The following PXDN variants were observed in gnomAD, a reference collection of about 807,000 sequenced individuals.
PXDN encodes the protein peroxidasin homolog.
In PXDN, 77 loss-of-function variants were observed where a neutral mutation model predicts 140.3. The observed-to-expected ratio is 0.55, with a 90% CI of 0.46 to 0.66. The LOEUF is 0.66. Among genes scored for constraint, PXDN ranks in the 30% least tolerant of loss-of-function variants. The pLI is 0.00. For missense variants in PXDN, 1,838 were observed against 2,039.5 expected, an observed-to-expected ratio of 0.90 and a Z score of 1.90; for synonymous variants, 911 against 857.4, an observed-to-expected ratio of 1.06 and a Z score of -1.09.
rs550715563 is a variant in PXDN at position 1,632,114 on chromosome 2, G to C, written c.*2090C>G. 1.1e-4 allele frequency: 17 copies of C among 152,608 alleles called. No homozygotes were observed. Among genetic ancestry groups the C allele is most frequent in the African/African-American group, 3.8e-4 (16 of 41,568 alleles). The allele number at this position is 152,608 out of a possible 1,614,324, so 9.5% of individuals were successfully genotyped here. A position where few individuals can be genotyped will look rare whatever the true frequency, so the allele number is the denominator to read the frequency against. On this transcript the variant is annotated 3_prime_UTR_variant, in exon 23 of 23. Coordinates refer to ENST00000252804, the MANE Select transcript of PXDN (RefSeq NM_012293.3). The surrounding 1 kb of genome is among the most constrained non-coding windows in gnomAD (Gnocchi z 4.3). ...CTGCCCACTGTTCTGATTACAGAGA[G>C]TATCAAACTGGTGATTCCGCAGACA... is the stretch of plus-strand genomic sequence containing the variant.
chr2:1,728,334 A>C (rs1335531587), intron 1 of PXDN, among the ~76,000 whole-genome samples: 1 of 152,252 alleles, frequency 6.6e-6, no homozygotes, highest in Non-Finnish European at 1.5e-5. Context: ...ACCTGCTGGC[A>C]GGGTCCCTGG....
Position 1,653,691 on chromosome 2 carries a change from G to T in PXDN, c.2041C>A (p.Arg681=). The T allele has an allele frequency of 1.2e-6, 2 of 1,610,610 alleles. No individual in the cohort carries two copies. The highest frequency in any genetic ancestry group is 8.5e-7 in the Non-Finnish European group (1 of 1,178,578). ...EQARAGEIFE[R]TLQLIQEHVQ... ...TGCTCCTGAATGAGCTGCAATGTCC[G>T]TTCAAAGATTTCTCCCGCCCGTGCC... is the stretch of plus-strand genomic sequence containing the variant. Residue 681 remains arginine, a synonymous_variant, in exon 16 of 23, where the codon CGG becomes AGG. Transcript: ENST00000252804.
At chr2:1,723,576 G>A (rs563682560) in intron 1 of PXDN, among the ~76,000 whole-genome samples, 22 of 152,182 alleles carry the variant, frequency 1.4e-4, no homozygotes, top group Non-Finnish European at 2.4e-4. Flanking sequence ...ACTAATGAAC[G>A]GATGGATGGA....
At position 1,639,884 on chromosome 2, in the gene PXDN, C is replaced by T. The variant is rs147478378; in HGVS notation, c.3953-462G>A. Among the ~76,000 whole-genome samples, 265 of 152,358 alleles carry T rather than the reference C, an allele frequency of 1.7e-3. 2 individuals carry two copies. Among genetic ancestry groups the T allele is most frequent in the African/African-American group, 6.3e-3 (260 of 41,578 alleles). On this transcript the variant is annotated intron_variant, in intron 19 of 22. Coordinates refer to ENST00000252804, the MANE Select transcript of PXDN (RefSeq NM_012293.3). The surrounding 1 kb of genome is among the most constrained non-coding windows in gnomAD (Gnocchi z 5.0). ...GCCAGCCCCAGTGTCAGACAAGAGG[C>T]GGCCTGACCCTGCTTCTCCTGAATG...
chr2:1,635,530 A>G lies in PXDN; in HGVS notation c.4207-9T>C. The G allele has an allele frequency of 1.9e-6, 3 of 1,565,344 alleles. No homozygotes were observed. The highest frequency in any genetic ancestry group is 2.6e-6 in the Non-Finnish European group (3 of 1,150,920). ...GATTCAAGTTTCTTTATCTGCAGCA[A>G]TGCAAAGAACATTCATTCATTGGGC... On this transcript the variant is annotated splice_polypyrimidine_tract_variant and intron_variant, in intron 21 of 22. Transcript: ENST00000252804.
intron 1 of PXDN, among the ~76,000 whole-genome samples, chr2:1,743,712 G>A (rs939745009): frequency 2.3e-4 from 13 of 56,144 alleles, no homozygotes; most frequent in Admixed American, 3.0e-4. Context: ...GGGAGGAGGA[G>A]GAGGAAGGGG....
chr2:1,671,299 A>G (rs1460431658), intron 9 of PXDN, among the ~76,000 whole-genome samples: 2 of 152,234 alleles, frequency 1.3e-5, no homozygotes, highest in East Asian at 3.8e-4. Context: ...CAAGAAACAT[A>G]GAAAAGTTTG....
chr2:1,677,017 T>C lies in PXDN; in HGVS notation c.758A>G (p.Gln253Arg). Reference protein sequence around the residue: ...CERPRITSEPQDADVTSGNTV... With the variant: ...CERPRITSEPRDADVTSGNTV... ...GTTCCCCGAGGTCACATCTGCGTCC[T>C]GGGGCTCGGAGGTGATCCGGGGCCT... is the stretch of plus-strand genomic sequence containing the variant. The change falls in exon 8 of 23, where the codon CAG becomes CGG. Residue 253 changes from glutamine to arginine, a missense_variant. This residue lies in a region of PXDN where 208 missense variants were observed against 325.8 expected (regional missense o/e 0.64). Transcript: ENST00000252804. The C allele has an allele frequency of 1.9e-6, 3 of 1,609,734 alleles. No homozygotes were observed. The highest frequency in any genetic ancestry group is 2.5e-6 in the Non-Finnish European group (3 of 1,177,172).
intron 1 of PXDN, among the ~76,000 whole-genome samples, chr2:1,743,234 C>T (rs559377751): frequency 3.7e-4 from 57 of 152,310 alleles, no homozygotes; most frequent in Non-Finnish European, 6.9e-4. Context: ...GCCCGCAGGA[C>T]AGGGTGTCAA....
rs566157522 is a variant in PXDN at position 1,687,502 on chromosome 2, C to T, written c.416+130G>A. The T allele has an allele frequency of 1.3e-4, 79 of 596,356 alleles. No individual in the cohort carries two copies. In the East Asian group the frequency reaches 1.7e-3, roughly 13 times the overall value. The allele number at this position is 596,356 out of a possible 1,614,324, so 36.9% of individuals were successfully genotyped here. A position where few individuals can be genotyped will look rare whatever the true frequency, so the allele number is the denominator to read the frequency against. On this transcript the variant is annotated intron_variant, in intron 4 of 22. Coordinates refer to ENST00000252804, the MANE Select transcript of PXDN (RefSeq NM_012293.3). This position sits in a 1 kb window ranked among gnomAD's most constrained non-coding sequence, Gnocchi z 4.0. ...ATCCCTGTTTTTCCGTCATCATGCA[C>T]GTACTCCCCGCACCTCAGGTAGCAT...
In PXDN at chr2:1,687,925, C is replaced by T. The variant is rs1193342381; in HGVS notation, c.345-222G>A. Among the ~76,000 whole-genome samples, 3 of 152,182 alleles carry T rather than the reference C, an allele frequency of 2.0e-5. No individual in the cohort carries two copies. The highest frequency in any genetic ancestry group is 7.2e-5 in the African/African-American group (3 of 41,460). ...GCAACCGGTGCCAACTGAAGGTGAT[C>T]AAACCACTGCGACGGGTTTTTCAGG... On this transcript the variant is annotated intron_variant, in intron 3 of 22. Transcript: ENST00000252804. This position sits in a 1 kb window ranked among gnomAD's most constrained non-coding sequence, Gnocchi z 4.0.
chr2:1,698,466 G>A (rs897471888), intron 1 of PXDN, among the ~76,000 whole-genome samples: 1 of 152,174 alleles, frequency 6.6e-6, no homozygotes, highest in African/African-American at 2.4e-5. Flanking sequence ...CTAAGGCACA[G>A]CACATGAAGG....
chr2:1,709,699 A>AGGG (rs1309096767), intron 1 of PXDN, among the ~76,000 whole-genome samples: 2 of 152,166 alleles, frequency 1.3e-5, no homozygotes, highest in Non-Finnish European at 2.9e-5. Context: ...TGTTATCAGG[A>AGGG]GGGGAGGCTT....
At position 1,648,820 on chromosome 2, in the gene PXDN, ATGCTGGTCAG is replaced by A; in HGVS notation, c.2950_2959del (p.Leu984CysfsTer19). 1 of 1,602,824 alleles carries A rather than the reference ATGCTGGTCAG, an allele frequency of 6.2e-7. No homozygotes were observed. The highest frequency in any genetic ancestry group is 8.5e-7 in the Non-Finnish European group (1 of 1,176,338). ...GTGCTCGCGGAACCACAGCGTGTGC[ATGCTGGTCAG>A]GCCCAGCTGCTCGTTGGCGCGGTGG... On this transcript the variant is annotated frameshift_variant, in exon 17 of 23. Coordinates refer to ENST00000252804, the MANE Select transcript of PXDN (RefSeq NM_012293.3). LOFTEE classifies it high-confidence loss of function. The surrounding 1 kb of genome is among the most constrained non-coding windows in gnomAD (Gnocchi z 8.9).
Position 1,666,356 on chromosome 2 carries a change from C to T in PXDN, c.1149G>A (p.Leu383=), listed in dbSNP as rs953619848. 2.5e-6 allele frequency: 4 copies of T among 1,613,850 alleles called. No individual in the cohort carries two copies. The highest frequency in any genetic ancestry group is 1.7e-5 in the Admixed American group (1 of 60,012). ...ISWTRGDRTP[L]PVDPRVNITP... ...TGATGTTCACCCGCGGGTCAACTGGCAAGGGTGTGCGGTCACCTCTCGTCC... is the reference window on the plus strand; with the variant it reads ...TGATGTTCACCCGCGGGTCAACTGGTAAGGGTGTGCGGTCACCTCTCGTCC... The change falls in exon 10 of 23, where the codon TTG becomes TTA. Residue 383 remains leucine, a synonymous_variant. Transcript: ENST00000252804.
intron 14 of PXDN, among the ~76,000 whole-genome samples, chr2:1,658,040 C>G (rs1432959731): frequency 1.9e-5 from 1 of 52,198 alleles, no homozygotes; most frequent in Non-Finnish European, 4.1e-5. Context: ...CTCTCTCTCT[C>G]TCTCTCTCTC....
intron 1 of PXDN, among the ~76,000 whole-genome samples, chr2:1,741,290 C>T (rs1685537542): frequency 2.0e-5 from 3 of 152,166 alleles, no homozygotes; most frequent in Admixed American, 2.0e-4. Context: ...TGATGAACTT[C>T]TATTGTGTTG....
At chr2:1,664,812 G>T in intron 11 of PXDN, 146 bp downstream of exon 11, 1 of 688,164 alleles carries the variant, frequency 1.5e-6, no homozygotes, top group Non-Finnish European at 2.4e-6. Context: ...ACACCTCTGC[G>T]CTTCCCAGTG....
At chr2:1,735,401 A>G (rs1344197252) in intron 1 of PXDN, among the ~76,000 whole-genome samples, 1 of 152,242 alleles carries the variant, frequency 6.6e-6, no homozygotes, top group Non-Finnish European at 1.5e-5. Flanking sequence ...TGAATTTATT[A>G]AATAATAAGA....
Sources: gnomAD v4.1 joint callset for allele counts (sites outside exome capture counted in the v4.1 genomes callset) on GRCh38, gnomAD v4.1.1 for gene constraint, gnomAD v4.1.1 regional missense constraint, Gnocchi (gnomAD v3.1) non-coding constraint, MANE v1.5 for transcripts, NCBI Gene and HGNC (gene_info 2026-07-23, HGNC 2026-07-21) for gene names.